SAMSN1: variants seen among roughly 807,000 people sequenced by gnomAD.
The protein encoded by SAMSN1 is SAM domain-containing protein SAMSN-1.
Under a neutral mutation model 42.0 loss-of-function variants are expected in SAMSN1, and 31 were observed. The ratio of observed to expected loss-of-function variants is 0.74; its 90% CI spans 0.55 to 1.00. The LOEUF is 1.00. Ranked by LOEUF, SAMSN1 falls within the 50% of genes least tolerant of loss-of-function variation. The pLI, the probability that SAMSN1 is intolerant of heterozygous loss-of-function variation, is 0.00. For synonymous variants in SAMSN1, 178 were observed against 151.9 expected, an observed-to-expected ratio of 1.17 and a Z score of -1.26; for missense variants, 464 against 439.4, an observed-to-expected ratio of 1.06 and a Z score of -0.50.
intron 2 of SAMSN1, among the ~76,000 whole-genome samples, chr21:14,570,459 A>G (rs1048271806): frequency 1.3e-5 from 2 of 152,184 alleles, no homozygotes; most frequent in African/African-American, 4.8e-5. Flanking sequence ...CTAAGCCACT[A>G]TGGTGGCTAT....
chr21:14,576,585 C>T (rs1600939640), intron 2 of SAMSN1, among the ~76,000 whole-genome samples: 1 of 152,138 alleles, frequency 6.6e-6, no homozygotes, highest in Non-Finnish European at 1.5e-5. Context: ...CCTTTTGTTA[C>T]TCTATTTATT....
At chr21:14,541,493 G>A (rs1423271583) in intron 1 of SAMSN1, among the ~76,000 whole-genome samples, 1 of 152,100 alleles carries the variant, frequency 6.6e-6, no homozygotes, top group African/African-American at 2.4e-5. Context: ...AATATTATGA[G>A]ATTTGTTTGT....
At position 14,572,754 on chromosome 21, in the gene SAMSN1, T is replaced by C. The variant is rs769142716; in HGVS notation, c.261+9382A>G. Among the ~76,000 whole-genome samples, 29 of 152,142 alleles carry C rather than the reference T, an allele frequency of 1.9e-4. 1 individual carries two copies. The highest frequency in any genetic ancestry group is 4.1e-4 in the Non-Finnish European group (28 of 68,020). On this transcript the variant is annotated intron_variant, in intron 2 of 8. Coordinates refer to the SAMSN1 transcript ENST00000285670. ...AATTAGCCCTTTCACATCCAAGGTG[T>C]CATTTCATACTGCAAGCTGGGAGCT...
intron 5 of SAMSN1, among the ~76,000 whole-genome samples, chr21:14,603,049 G>C (rs1448638858): frequency 2.0e-5 from 3 of 152,108 alleles, no homozygotes; most frequent in African/African-American, 7.2e-5. Flanking sequence ...ATTCCAGAAA[G>C]TACCTAAATT....
chr21:14,498,572 CAA>C lies in SAMSN1; in HGVS notation c.787_788del (p.Leu263AlafsTer5). 6.3e-7 allele frequency: 1 copy of C among 1,597,042 alleles called. No homozygotes were observed. The highest frequency in any genetic ancestry group is 8.5e-7 in the Non-Finnish European group (1 of 1,175,062). On this transcript the variant is annotated frameshift_variant, in exon 7 of 8. Transcript: ENST00000400566. LOFTEE classifies it high-confidence loss of function. ...CTTCTAGAGTCTCATAACCATTGAGCAAAAGTGTTGAGGTGTATTCCTGTAAG... is the reference window on the plus strand; with the variant it reads ...CTTCTAGAGTCTCATAACCATTGAGCAAGTGTTGAGGTGTATTCCTGTAAG... ...IHLQEYTSTL[L>X]LNGYETLEDL...
intron 2 of SAMSN1, among the ~76,000 whole-genome samples, chr21:14,556,540 A>G (rs1190030230): frequency 6.6e-6 from 1 of 152,178 alleles, no homozygotes; most frequent in Non-Finnish European, 1.5e-5. Context: ...TTCCAATTAA[A>G]TGGAATTCCA....
intron 7 of SAMSN1, among the ~76,000 whole-genome samples, chr21:14,496,824 G>T (rs1986932439): frequency 6.6e-6 from 1 of 152,138 alleles, no homozygotes; most frequent in African/African-American, 2.4e-5. Context: ...TGTCAAATTA[G>T]TTATGCCTGT....
chr21:14,513,464 G>C (rs955422160), intron 3 of SAMSN1, among the ~76,000 whole-genome samples: 3 of 152,006 alleles, frequency 2.0e-5, no homozygotes, highest in Admixed American at 6.6e-5. Flanking sequence ...AAGATAACAG[G>C]GTGCTTGCTA....
At chr21:14,512,418 T>A in intron 4 of SAMSN1, 26 bp downstream of exon 4, 2 of 1,612,000 alleles carry the variant, frequency 1.2e-6, no homozygotes, top group Non-Finnish European at 1.7e-6. Flanking sequence ...ACACCCAGGA[T>A]CTTGTCCCTG....
chr21:14,530,644 A>G (rs1415245640), intron 1 of SAMSN1, among the ~76,000 whole-genome samples: 1 of 152,238 alleles, frequency 6.6e-6, no homozygotes, highest in African/African-American at 2.4e-5. Flanking sequence ...CTCATGCACC[A>G]GCATGGATAG....
chr21:14,657,273 G>A (rs966986136), intron 1 of SAMSN1, among the ~76,000 whole-genome samples: 1 of 151,804 alleles, frequency 6.6e-6, no homozygotes, highest in African/African-American at 2.4e-5. Flanking sequence ...CAAAAGACTA[G>A]GGTTCTTGAT....
intron 2 of SAMSN1, among the ~76,000 whole-genome samples, chr21:14,618,689 TGTGCGC>T (rs1485665035): frequency 1.2e-3 from 26 of 21,074 alleles, no homozygotes; most frequent in Non-Finnish European, 3.4e-3. Flanking sequence ...TGTGTGTGTG[TGTGCGC>T]GCGCGCGCAC....
rs146261094 is a variant in SAMSN1 at position 14,651,454 on chromosome 21, A to G, written c.24+7294T>C. Among the ~76,000 whole-genome samples the G allele has an allele frequency of 3.5e-3, 532 of 152,128 alleles. 2 individuals carry two copies. The highest frequency in any genetic ancestry group is 0.011 in the African/African-American group (465 of 41,566). On this transcript the variant is annotated intron_variant, in intron 1 of 15. Coordinates refer to the SAMSN1 transcript ENST00000647101. ...AAACAATATTATTATATCAATTTATACTAAAAAATCATTTTAAAAAATTTG... is the reference window on the plus strand; with the variant it reads ...AAACAATATTATTATATCAATTTATGCTAAAAAATCATTTTAAAAAATTTG...
At chr21:14,608,131 C>A (rs949887513) in intron 5 of SAMSN1, among the ~76,000 whole-genome samples, 1 of 152,168 alleles carries the variant, frequency 6.6e-6, no homozygotes, top group Non-Finnish European at 1.5e-5. Flanking sequence ...CAAGAGAGCA[C>A]CTCCATAAGT....
intron 2 of SAMSN1, among the ~76,000 whole-genome samples, chr21:14,620,649 A>T (rs1196626097): frequency 6.6e-6 from 1 of 152,238 alleles, no homozygotes; most frequent in East Asian, 1.9e-4. Flanking sequence ...TCTTTCAATT[A>T]TCTATCACCA....
At chr21:14,520,825 A>G (rs1195041214) in intron 2 of SAMSN1, among the ~76,000 whole-genome samples, 1 of 151,098 alleles carries the variant, frequency 6.6e-6, no homozygotes, top group Non-Finnish European at 1.5e-5. Flanking sequence ...CTGGGATTCA[A>G]TCTGTAAGGT....
chr21:14,656,655 T>C (rs1600987246), intron 1 of SAMSN1, among the ~76,000 whole-genome samples: 1 of 151,954 alleles, frequency 6.6e-6, no homozygotes, highest in African/African-American at 2.4e-5. Flanking sequence ...TTCAAGTTTA[T>C]AGATCCAAAA....
intron 1 of SAMSN1, among the ~76,000 whole-genome samples, chr21:14,646,944 T>G (rs1983725154): frequency 6.6e-6 from 1 of 151,988 alleles, no homozygotes; most frequent in South Asian, 2.1e-4. Flanking sequence ...AGCAAGAAAC[T>G]AAACCATGTC....
chr21:14,542,324 C>T (rs1436783123), intron 1 of SAMSN1, among the ~76,000 whole-genome samples: 1 of 152,154 alleles, frequency 6.6e-6, no homozygotes, highest in Non-Finnish European at 1.5e-5. Flanking sequence ...AACTCTGTGT[C>T]TTCTTCAAGG....
Sources: gnomAD v4.1 joint callset for allele counts (sites outside exome capture counted in the v4.1 genomes callset) on GRCh38, gnomAD v4.1.1 for gene constraint, MANE v1.5 for transcripts, NCBI Gene and HGNC (gene_info 2026-07-23, HGNC 2026-07-21) for gene names.